Variants in HOGA1 observed in about 807,000 individuals in gnomAD.
HOGA1 encodes 4-hydroxy-2-oxoglutarate aldolase 1, also known as 4-hydroxy-2-oxoglutarate aldolase, mitochondrial.
A neutral mutation model predicts 34.3 loss-of-function variants in HOGA1; 30 were observed. The ratio of observed to expected loss-of-function variants is 0.87; its 90% CI spans 0.65 to 1.19. The LOEUF (loss-of-function observed/expected upper bound fraction) is 1.19. HOGA1 is among the 50% of genes most tolerant of loss of function. HOGA1 has a pLI of 0.00. For synonymous variants in HOGA1, 161 were observed against 174.0 expected (o/e 0.93, Z 0.59); for missense variants, 417 against 436.5 (o/e 0.96, Z 0.40).
rs1269086769 is a variant in HOGA1, at chr10:97,594,221, G to A, written c.212-4554G>A. On this transcript the variant is annotated intron_variant, in intron 1 of 6. Transcript: ENST00000370646. ...GACAGAGTCTCACTCTGTCACCCAG[G>A]CTACCGATCAGTGGTGCGATCTGGG... Among the ~76,000 whole-genome samples the A allele has an allele frequency of 2.3e-5, 3 of 132,826 alleles. No homozygotes were observed. In the Admixed American group the frequency reaches 2.6e-4, roughly 11 times the overall value. The allele number at this position is 132,826 out of a possible 152,430, so 87.1% of individuals were successfully genotyped here.
intron 6 of HOGA1, among the ~76,000 whole-genome samples, chr10:97,608,368 C>T (rs1446068017): frequency 1.3e-5 from 2 of 152,134 alleles, no homozygotes; most frequent in South Asian, 4.1e-4. Context: ...CCAAAAAATA[C>T]ATGGGGCACA....
chr10:97,590,059 C>A (rs370827332), intron 1 of HOGA1: 5 of 1,614,130 alleles, frequency 3.1e-6, no homozygotes, highest in Non-Finnish European at 3.4e-6. Context: ...ACAATGCCAG[C>A]GCTAGTGGCA....
intron 1 of HOGA1, among the ~76,000 whole-genome samples, chr10:97,594,168 C>CTTTTTTT (rs71007354): frequency 4.6e-5 from 2 of 43,432 alleles, no homozygotes; most frequent in African/African-American, 1.0e-4. Context: ...TGCGCCTGGT[C>CTTTTTTT]TTTTTTTTTT....
At chr10:97,593,816 A>G (rs920235169) in intron 1 of HOGA1, among the ~76,000 whole-genome samples, 4 of 152,132 alleles carry the variant, frequency 2.6e-5, no homozygotes, top group Admixed American at 2.6e-4. Flanking sequence ...AGGGAACAAC[A>G]CAAGCAAGGG....
intron 1 of HOGA1, among the ~76,000 whole-genome samples, chr10:97,597,573 A>G (rs2041081179): frequency 6.6e-6 from 1 of 152,150 alleles, no homozygotes; most frequent in Non-Finnish European, 1.5e-5. Context: ...TTTCACCCAG[A>G]AAGTTGGCAA....
intron 6 of HOGA1, among the ~76,000 whole-genome samples, chr10:97,605,994 C>CTT (rs536794980): frequency 6.3e-4 from 96 of 151,988 alleles, no homozygotes; most frequent in Middle Eastern, 3.4e-3. Context: ...TCTAATAACT[C>CTT]TTAAAGAGTT....
At chr10:97,593,104 G>GT (rs1246093182) in intron 1 of HOGA1, among the ~76,000 whole-genome samples, 1 of 150,618 alleles carries the variant, frequency 6.6e-6, no homozygotes, top group East Asian at 1.9e-4. Context: ...AAGAAGAGTA[G>GT]TTAACAGCTT....
chr10:97,584,462 G>A lies in HOGA1; in HGVS notation c.-242G>A, dbSNP rs745465477. On this transcript the variant is annotated 5_prime_UTR_variant, in exon 1 of 7. Transcript: ENST00000370646. ...CAGAAACCAGTCCTATATCTGGCCA[G>A]AGGGACACTGGGTTGTGGCATCTCT... 2.0e-6 allele frequency: 1 copy of A among 510,004 alleles called. No individual in the cohort carries two copies. Among genetic ancestry groups the A allele is most frequent in the Non-Finnish European group, 3.5e-6 (1 of 289,462 alleles). 31.6% of individuals were successfully genotyped at this position (510,004 alleles called of 1,614,324 possible).
chr10:97,585,358 TCTC>T (rs1172489879), intron 1 of HOGA1, among the ~76,000 whole-genome samples: 2 of 152,130 alleles, frequency 1.3e-5, no homozygotes, highest in Admixed American at 1.3e-4. Context: ...CAGAATTAGT[TCTC>T]CTGTGACCCC....
chr10:97,590,140 G>A lies in HOGA1; in HGVS notation c.211+5226G>A, dbSNP rs1325417886. 1.9e-6 allele frequency: 3 copies of A among 1,613,994 alleles called. No individual in the cohort carries two copies. The East Asian group carries it at 6.7e-5, about 36-fold the overall frequency. On this transcript the variant is annotated intron_variant, in intron 1 of 6. Transcript: ENST00000370646. ...TTCACATAGAGACCTTCACCACGAGGCACGGAGAAGTGGGCTCCGCTCTGC... is the reference window on the plus strand; with the variant it reads ...TTCACATAGAGACCTTCACCACGAGACACGGAGAAGTGGGCTCCGCTCTGC...
chr10:97,601,784 G>T, intron 5 of HOGA1, 73 bp from the exon 6 acceptor site: 1 of 1,575,068 alleles, frequency 6.3e-7, no homozygotes, highest in Non-Finnish European at 8.7e-7. Context: ...GGCTGAAGAG[G>T]TGCTGGGACC....
In HOGA1 at chr10:97,584,713, C is replaced by T. The variant is rs1379254611; in HGVS notation, c.10C>T (p.Pro4Ser). 1 of 1,610,666 alleles carries T rather than the reference C, an allele frequency of 6.2e-7. No individual in the cohort carries two copies. Among genetic ancestry groups the T allele is most frequent in the Admixed American group, 1.7e-5 (1 of 59,824 alleles). MLGPQVWSSVRQGL... is the reference protein window; with the variant it reads MLGSQVWSSVRQGL... ...CAGGCCTCCTGCAGAGATGCTGGGT[C>T]CCCAAGTCTGGTCTTCTGTGAGGCA... Residue 4 changes from proline to serine, a missense_variant, in exon 1 of 7, where the codon CCC (proline) becomes TCC (serine). By Grantham distance (74) the Pro-to-Ser change is moderately conservative. Coordinates refer to ENST00000370646, the MANE Select transcript of HOGA1 (RefSeq NM_138413.4).
Position 97,602,988 on chromosome 10 carries a change from G to A in HOGA1, c.834+998G>A, listed in dbSNP as rs184361595. On this transcript the variant is annotated intron_variant, in intron 6 of 6. Coordinates refer to ENST00000370646, the MANE Select transcript of HOGA1 (RefSeq NM_138413.4). The stretch of plus-strand genomic sequence containing the variant: ...ATTACAGGCGTAAGCCACAGTGCCC[G>A]GCCTATTCTTTTTTCTTTTCTTTTC... 6.9e-4 allele frequency among the ~76,000 whole-genome samples: 105 copies of A among 152,012 alleles called. 1 individual carries two copies. Among genetic ancestry groups the A allele is most frequent in the African/African-American group, 2.3e-3 (96 of 41,490 alleles).
chr10:97,608,305 T>C (rs1484491815), intron 6 of HOGA1, among the ~76,000 whole-genome samples: 2 of 151,890 alleles, frequency 1.3e-5, no homozygotes, highest in African/African-American at 4.8e-5. Flanking sequence ...AGCAAGACCC[T>C]GTCTCAAAAA....
chr10:97,589,839 A>C lies in HOGA1; in HGVS notation c.211+4925A>C, dbSNP rs540202969. 2.2e-4 allele frequency: 305 copies of C among 1,376,546 alleles called. 1 individual carries two copies. The African/African-American group carries it at 4.0e-3, about 18-fold the overall frequency. The allele number at this position is 1,376,546 out of a possible 1,614,324, so 85.3% of individuals were successfully genotyped here. ...CTGGAGACCTTCTTGGAGCTCATCC[A>C]GCAGCCATCATGCAAGGTGGTGCTG... On this transcript the variant is annotated intron_variant, in intron 1 of 6. Transcript: ENST00000370646.
At position 97,612,185 on chromosome 10, in the gene HOGA1, A is replaced by G. The variant is rs1011376979; in HGVS notation, c.*526A>G. The G allele has an allele frequency of 6.5e-6, 1 of 154,574 alleles. No individual in the cohort carries two copies. The highest frequency in any genetic ancestry group is 2.4e-5 in the African/African-American group (1 of 41,380). 9.6% of individuals were successfully genotyped at this position (154,574 alleles called of 1,614,324 possible). ...CAGCTAATTTTTGTATTTTTAGCAG[A>G]GATGGGGTTTCACCGTGTTGGCCAG... On this transcript the variant is annotated 3_prime_UTR_variant, in exon 7 of 7. Transcript: ENST00000370646.
chr10:97,589,828 G>T, intron 1 of HOGA1: 1 of 1,246,776 alleles, frequency 8.0e-7, no homozygotes, highest in Non-Finnish European at 1.1e-6. Context: ...AGACCTTCTT[G>T]GAGCTCATCC....
chr10:97,592,009 T>G (rs1305354165), intron 1 of HOGA1, among the ~76,000 whole-genome samples: 1 of 151,440 alleles, frequency 6.6e-6, no homozygotes, highest in Non-Finnish European at 1.5e-5. Flanking sequence ...TGGCAAATTT[T>G]TTTTGTATTT....
Position 97,599,700 on chromosome 10 carries a change from C to G in HOGA1, c.489C>G (p.Ile163Met). The G allele has an allele frequency of 6.2e-7, 1 of 1,614,162 alleles. No homozygotes were observed. The highest frequency in any genetic ancestry group is 8.5e-7 in the Non-Finnish European group (1 of 1,180,020). The change falls in exon 4 of 7, where the codon ATC (isoleucine) becomes ATG (methionine). Residue 163 changes from isoleucine (I) to methionine (M), a missense_variant. By Grantham distance (10) the Ile-to-Met change is conservative (BLOSUM62 1). Coordinates refer to ENST00000370646, the MANE Select transcript of HOGA1 (RefSeq NM_138413.4). Reference sequence around the variant, plus strand: ...CCCAGGTTGCTGATCTCTCTCCAATCCCTGTGGTGCTGTACAGTGTCCCAG... The same window carrying G: ...CCCAGGTTGCTGATCTCTCTCCAATGCCTGTGGTGCTGTACAGTGTCCCAG... ...HYTKVADLSP[I>M]PVVLYSVPAN...
Sources: gnomAD v4.1 joint callset for allele counts (sites outside exome capture counted in the v4.1 genomes callset) on GRCh38, gnomAD v4.1.1 for gene constraint, MANE v1.5 for transcripts, NCBI Gene and HGNC (gene_info 2026-07-23, HGNC 2026-07-21) for gene names.